Variants in KCNH4 observed in about 807,000 individuals in gnomAD.
KCNH4 encodes the protein potassium voltage-gated channel subfamily H member 4, also known as voltage-gated delayed rectifier potassium channel KCNH4.
KCNH4 carries 33 observed loss-of-function variants against 90.7 expected under a neutral mutation model. The ratio of observed to expected loss-of-function variants is 0.36; its 90% confidence interval spans 0.28 to 0.49. The LOEUF (loss-of-function observed/expected upper bound fraction) is 0.49. KCNH4 is among the 20% of genes least tolerant of loss of function. The pLI is 0.98. For missense variants in KCNH4, 1,044 were observed against 1,387.1 expected (o/e 0.75, Z 3.93); for synonymous variants, 551 against 581.7 (o/e 0.95, Z 0.76).
intron 9 of KCNH4, 141 bp downstream of exon 9, chr17:42,169,336 T>A: frequency 1.3e-6 from 1 of 771,462 alleles, no homozygotes; most frequent in South Asian, 1.7e-5. Context: ...CGCCTCAGCC[T>A]CCCAAAGTGC....
intron 6 of KCNH4, among the ~76,000 whole-genome samples, chr17:42,174,447 C>T (rs1042413549): frequency 1.3e-5 from 2 of 152,102 alleles, no homozygotes; most frequent in South Asian, 2.1e-4. Context: ...TGGGCGCACC[C>T]CTGGGGAGGG....
In KCNH4 at chr17:42,163,737, C is replaced by A; in HGVS notation, c.2346G>T (p.Leu782=). The change falls in exon 13 of 17, where the codon CTG becomes CTT. Residue 782 remains leucine (L), a synonymous_variant. Coordinates refer to ENST00000264661, the MANE Select transcript of KCNH4 (RefSeq NM_012285.3). This position sits in a 1 kb window ranked among gnomAD's most constrained non-coding sequence, Gnocchi z 5.4. ...LVSSPSLSPS[L]SPALAGQGHS... is the part of the protein sequence containing the mutation. ...GGCCCTGGCCAGCCAGGGCAGGGGA[C>A]AGGGATGGGGATAAGGAAGGAGAGG... 6.5e-7 allele frequency: 1 copy of A among 1,547,442 alleles called. No individual in the cohort carries two copies.
intron 6 of KCNH4, among the ~76,000 whole-genome samples, chr17:42,173,693 CTTTTTT>C (rs532100884): frequency 3.6e-3 from 238 of 66,246 alleles, no homozygotes; most frequent in African/African-American, 0.016. Context: ...CGATCTGGTT[CTTTTTT>C]TTTTTTTTTT....
At chr17:42,168,772 A>ATTTTTTTTTTTTTTTTTTTTTTT (rs1568034449) in intron 9 of KCNH4, among the ~76,000 whole-genome samples, 2 of 150,548 alleles carry the variant, frequency 1.3e-5, no homozygotes, top group African/African-American at 4.9e-5. Flanking sequence ...TTTTATTTTT[A>ATTTTTTTTTTTTTTTTTTTTTTT]TTTTTATTTT....
rs1401499195 is a variant in KCNH4 at position 42,159,995 on chromosome 17, G to A, written c.*45C>T. On this transcript the variant is annotated 3_prime_UTR_variant, in exon 16 of 17. Coordinates refer to ENST00000264661, the MANE Select transcript of KCNH4 (RefSeq NM_012285.3). ...GGGGCCCAGGTCCTCCCTGAGTGGTGAGCGGCAGCGCCCACCCCAGACAGG... is the reference window on the plus strand; with the variant it reads ...GGGGCCCAGGTCCTCCCTGAGTGGTAAGCGGCAGCGCCCACCCCAGACAGG... 1.4e-6 allele frequency: 2 copies of A among 1,445,614 alleles called. No homozygotes were observed. The highest frequency in any genetic ancestry group is 1.8e-6 in the Non-Finnish European group (2 of 1,090,584). 89.5% of individuals were successfully genotyped at this position (1,445,614 alleles called of 1,614,324 possible). A position where few individuals can be genotyped will look rare whatever the true frequency, so the allele number is the denominator to read the frequency against.
At chr17:42,162,975 C>T (rs947449963) in intron 14 of KCNH4, among the ~76,000 whole-genome samples, 4 of 152,194 alleles carry the variant, frequency 2.6e-5, no homozygotes, top group African/African-American at 7.2e-5. Context: ...GCAAGGAAGT[C>T]GAGTGAGCAC....
At chr17:42,172,034 C>T in intron 6 of KCNH4, 39 bp from the exon 7 acceptor site, 2 of 1,532,496 alleles carry the variant, frequency 1.3e-6, no homozygotes, top group Non-Finnish European at 1.8e-6. Flanking sequence ...AGCAGGCACA[C>T]CTCCTCCGAG....
In KCNH4 at chr17:42,171,873, C is replaced by A; in HGVS notation, c.1110G>T (p.Ala370=). The part of the protein sequence containing the change: ...VVLTLLMSVF[A]LLAHWMACIW... ...TGCAGGCCATCCAGTGGGCAAGGAG[C>A]GCAAAGACCGACATGAGCAGCGTGA... Residue 370 remains alanine (A), a synonymous_variant, in exon 7 of 17, where the codon GCG becomes GCT. Coordinates refer to ENST00000264661, the MANE Select transcript of KCNH4 (RefSeq NM_012285.3). The A allele has an allele frequency of 1.2e-6, 2 of 1,614,150 alleles. No individual in the cohort carries two copies. The highest frequency in any genetic ancestry group is 1.7e-6 in the Non-Finnish European group (2 of 1,180,034).
chr17:42,163,797 CA>C lies in KCNH4; in HGVS notation c.2285del (p.Leu762TrpfsTer66), dbSNP rs866217402. ...CTGAGAATGGGGGCAGCTCCTCGCC[CA>C]AAAGGCTGACCAGGGAGCCCCGAGG... ...ARPRGSLVSL[L>X]GEELPPFSAL... is the part of the protein sequence containing the mutation. On this transcript the variant is annotated frameshift_variant, in exon 13 of 17. Transcript: ENST00000264661. LOFTEE classifies it high-confidence loss of function. This position sits in a 1 kb window ranked among gnomAD's most constrained non-coding sequence, Gnocchi z 5.4. The C allele has an allele frequency of 2.6e-6, 4 of 1,540,178 alleles. No individual in the cohort carries two copies. The highest frequency in any genetic ancestry group is 2.1e-5 in the Admixed American group (1 of 47,700).
At chr17:42,168,950 T>G (rs907487213) in intron 9 of KCNH4, among the ~76,000 whole-genome samples, 3 of 152,030 alleles carry the variant, frequency 2.0e-5, no homozygotes, top group African/African-American at 4.8e-5. Flanking sequence ...TTTTTGTATT[T>G]TTAGTAGAGA....
chr17:42,172,695 A>T (rs1203137789), intron 6 of KCNH4, among the ~76,000 whole-genome samples: 1 of 151,844 alleles, frequency 6.6e-6, no homozygotes, highest in African/African-American at 2.4e-5. Context: ...TAGAGTTGGA[A>T]CTCAGGGTGG....
chr17:42,178,565 T>A, intron 2 of KCNH4, 88 bp from the exon 3 acceptor site: 1 of 1,492,744 alleles, frequency 6.7e-7, no homozygotes, highest in East Asian at 2.4e-5. Context: ...CTAGACATAG[T>A]TAAGAGCTTG....
rs781276359 is a variant in KCNH4, at chr17:42,165,432, A to T, written c.2085+17T>A. ...AAGGGACTCTGGAAGGATGGCGGTC[A>T]TCAGGGGTGTACATACACTGGTGTC... On this transcript the variant is annotated intron_variant, in intron 11 of 16. Transcript: ENST00000264661. The T allele has an allele frequency of 1.2e-6, 2 of 1,613,376 alleles. No individual in the cohort carries two copies. Among genetic ancestry groups the T allele is most frequent in the Non-Finnish European group, 1.7e-6 (2 of 1,179,456 alleles).
At position 42,160,175 on chromosome 17, in the gene KCNH4, G is replaced by T; in HGVS notation, c.2919C>A (p.Asp973Glu). 6.2e-7 allele frequency: 1 copy of T among 1,613,654 alleles called. No individual in the cohort carries two copies. Among genetic ancestry groups the T allele is most frequent in the Non-Finnish European group, 8.5e-7 (1 of 1,179,644 alleles). Residue 973 changes from aspartate to glutamate, a missense_variant, in exon 16 of 17, where the codon GAC becomes GAA. By Grantham distance (45) the Asp-to-Glu change is conservative. Around this residue, in one of 4 missense-constraint regions of KCNH4, gnomAD observed 441 missense variants for 512.3 expected, o/e 0.86. Coordinates refer to ENST00000264661, the MANE Select transcript of KCNH4 (RefSeq NM_012285.3). ...GTMETGTALL[D>E]LRPSILPPYP... ...AGGGGGGCAATATGGAAGGTCTCAA[G>T]TCCAGGAGCGCAGTCCCTGTCTCCA...
chr17:42,171,906 A>G lies in KCNH4; in HGVS notation c.1077T>C (p.Ala359=), dbSNP rs763387696. The G allele has an allele frequency of 6.2e-7, 1 of 1,614,120 alleles. No homozygotes were observed. Among genetic ancestry groups the G allele is most frequent in the Non-Finnish European group, 8.5e-7 (1 of 1,180,012 alleles). The part of the protein sequence containing the change: ...QKLERYSQCS[A]VVLTLLMSVF... ...CCGACATGAGCAGCGTGAGCACCAC[A>G]GCACTGCACTGAGAGTACCGCTCCA... Residue 359 remains alanine (A), a synonymous_variant, in exon 7 of 17, where the codon GCT becomes GCC. Coordinates refer to ENST00000264661, the MANE Select transcript of KCNH4 (RefSeq NM_012285.3).
At position 42,166,405 on chromosome 17, in the gene KCNH4, C is replaced by T. The variant is rs774477231; in HGVS notation, c.1732G>A (p.Ala578Thr). The T allele has an allele frequency of 6.2e-6, 10 of 1,614,044 alleles. No individual in the cohort carries two copies. Among genetic ancestry groups the T allele is most frequent in the African/African-American group, 2.7e-5 (2 of 75,014 alleles). ...CGGCGCAACAGGTACTCGCCCGGAG[C>T]GCAGAACGAGGTCTTGATGTGCAGC... is the stretch of plus-strand genomic sequence containing the variant. ...LSLHIKTSFC[A>T]PGEYLLRRGD... Residue 578 changes from alanine to threonine, a missense_variant, in exon 10 of 17, where the codon GCT (alanine) becomes ACT (threonine). By Grantham distance (58) the Ala-to-Thr change is moderately conservative. This residue lies in a region of KCNH4 where 318 missense variants were observed against 479.6 expected (regional missense o/e 0.66). Coordinates refer to ENST00000264661, the MANE Select transcript of KCNH4 (RefSeq NM_012285.3).
At chr17:42,159,379 C>T (rs1013789752) in intron 16 of KCNH4, among the ~76,000 whole-genome samples, 4 of 152,042 alleles carry the variant, frequency 2.6e-5, no homozygotes, top group African/African-American at 7.2e-5. Flanking sequence ...TAATGCTGCG[C>T]GAGCCGAAGA....
Position 42,159,790 on chromosome 17 carries a change from G to C in KCNH4, c.*250C>G. ...ATCTGCCCAGCCCAATGGGCACTGC[G>C]GTTCATCTCATGCCTGCTGGGTTCC... On this transcript the variant is annotated 3_prime_UTR_variant, in exon 16 of 17. Coordinates refer to ENST00000264661, the MANE Select transcript of KCNH4 (RefSeq NM_012285.3). The C allele has an allele frequency of 2.7e-6, 1 of 374,544 alleles. No individual in the cohort carries two copies. The highest frequency in any genetic ancestry group is 4.0e-5 in the East Asian group (1 of 25,034). 23.2% of individuals were successfully genotyped at this position (374,544 alleles called of 1,614,324 possible).
chr17:42,158,853 TA>T (rs1473023112), intron 16 of KCNH4, among the ~76,000 whole-genome samples: 1 of 150,362 alleles, frequency 6.7e-6, no homozygotes, highest in African/African-American at 2.4e-5. Flanking sequence ...TATATATATA[TA>T]TATTTTTTTT....
Sources: allele counts gnomAD v4.1 joint callset (sites outside exome capture counted in the v4.1 genomes callset), GRCh38; gene constraint gnomAD v4.1.1; regional missense constraint gnomAD v4.1.1; non-coding constraint Gnocchi (gnomAD v3.1); transcripts MANE v1.5; gene names NCBI Gene and HGNC (gene_info 2026-07-23, HGNC 2026-07-21).